The following FAM53A variants were observed in gnomAD, a reference collection of about 807,000 sequenced individuals.
FAM53A encodes family with sequence similarity 53 member A, also known as protein FAM53A.
A neutral mutation model predicts 26.6 loss-of-function variants in FAM53A; 28 were observed. The observed-to-expected ratio is 1.05, with a 90% CI of 0.78 to 1.45. The LOEUF is 1.45. Among genes scored for constraint, FAM53A ranks in the 40% most tolerant of loss-of-function variants. The probability of loss-of-function intolerance (pLI) is 0.00; values close to 1 mark genes in which losing one functional copy is unlikely to be tolerated. For missense variants in FAM53A, 650 were observed against 575.8 expected (o/e 1.13, Z -1.32); for synonymous variants, 290 against 253.1 (o/e 1.15, Z -1.38).
intron 1 of FAM53A, among the ~76,000 whole-genome samples, chr4:1,682,905 G>A (rs1363900756): frequency 6.6e-6 from 1 of 152,204 alleles, no homozygotes; most frequent in Non-Finnish European, 1.5e-5. Context: ...CCAAAGGGGC[G>A]GGACAATTAC....
rs1560170207 is a variant in FAM53A, at chr4:1,655,645, A to G, written c.215T>C (p.Leu72Pro). The change falls in exon 4 of 5, where the codon CTG (leucine) becomes CCG (proline). Residue 72 changes from leucine to proline, a missense_variant. Leu to Pro is a moderately conservative substitution (Grantham distance 98). Transcript: ENST00000308132. ...QAATGPDFSF[L>P]PGLSAAAHTM... ...GTGAGCGGCAGCAGACAGGCCCGGC[A>G]GGAAGGAGAAATCAGGGCCCGTGGC... is the stretch of plus-strand genomic sequence containing the variant. The G allele has an allele frequency of 1.3e-6, 2 of 1,596,432 alleles. No homozygotes were observed. Among genetic ancestry groups the G allele is most frequent in the Admixed American group, 3.5e-5 (2 of 57,932 alleles).
intron 2 of FAM53A, among the ~76,000 whole-genome samples, chr4:1,658,643 G>T (rs759927993): frequency 1.3e-5 from 2 of 152,252 alleles, no homozygotes; most frequent in Non-Finnish European, 2.9e-5. Context: ...GGCACTAAGG[G>T]AAATGCCACA....
chr4:1,579,215 G>C, the FAM53A span, among the ~76,000 whole-genome samples: 1 of 76,096 alleles, frequency 1.3e-5, no homozygotes, highest in South Asian at 4.2e-4. Context: ...CCCGCCCCTA[G>C]CCGCCATCCC....
chr4:1,633,652 CAATA>C (rs908165299), intron 1 of FAM53A, among the ~76,000 whole-genome samples: 3 of 151,794 alleles, frequency 2.0e-5, no homozygotes, highest in Non-Finnish European at 2.9e-5. Context: ...CGGTTCTTCC[CAATA>C]AATAAATAAA....
chr4:1,663,552 G>A (rs1165810392), intron 2 of FAM53A, among the ~76,000 whole-genome samples: 1 of 152,124 alleles, frequency 6.6e-6, no homozygotes, highest in African/African-American at 2.4e-5. Context: ...CACTGCCTGC[G>A]AGAACATTCT....
At chr4:1,576,763 A>C in the FAM53A span, among the ~76,000 whole-genome samples, 2 of 152,210 alleles carry the variant, frequency 1.3e-5, no homozygotes, top group Non-Finnish European at 1.5e-5. Context: ...GCCCGGCACC[A>C]TGCTGGCCCC....
downstream of FAM53A, among the ~76,000 whole-genome samples, chr4:1,637,786 G>T (rs1231375672): frequency 6.6e-6 from 1 of 152,072 alleles, no homozygotes; most frequent in Non-Finnish European, 1.5e-5. Context: ...AGGGTACCAG[G>T]CACAACCCCG....
Position 1,640,733 on chromosome 4 carries a change from CA to C in FAM53A, c.*559del. 2.8e-6 allele frequency: 1 copy of C among 360,028 alleles called. No homozygotes were observed. Among genetic ancestry groups the C allele is most frequent in the South Asian group, 2.1e-5 (1 of 48,604 alleles). 22.3% of individuals were successfully genotyped at this position (360,028 alleles called of 1,614,324 possible). On this transcript the variant is annotated 3_prime_UTR_variant, in exon 5 of 5. Transcript: ENST00000308132. ...GGCAGCCGTGGCCCCGACCAACTCA[CA>C]GGAAACCTACTCTGTGCCCCAGGGC...
chr4:1,633,773 T>C (rs1715717233), intron 1 of FAM53A, among the ~76,000 whole-genome samples: 1 of 152,086 alleles, frequency 6.6e-6, no homozygotes, highest in African/African-American at 2.4e-5. Flanking sequence ...TGACAGCTAA[T>C]GCATTCGATA....
chr4:1,670,632 T>C (rs1188107322), intron 1 of FAM53A, among the ~76,000 whole-genome samples: 1 of 152,132 alleles, frequency 6.6e-6, no homozygotes, highest in Non-Finnish European at 1.5e-5. Flanking sequence ...CAGCCACCAC[T>C]GTCATCTCCA....
intron 1 of FAM53A, among the ~76,000 whole-genome samples, chr4:1,673,649 C>A (rs13145078): frequency 5.3e-5 from 8 of 152,080 alleles, no homozygotes; most frequent in African/African-American, 1.7e-4. Context: ...AGGAGAATCA[C>A]TTGAACCGGG....
chr4:1,663,271 G>A (rs759612698), intron 2 of FAM53A, among the ~76,000 whole-genome samples: 30 of 152,208 alleles, frequency 2.0e-4, no homozygotes, highest in Non-Finnish European at 3.8e-4. Flanking sequence ...GTGGAAAACA[G>A]TTTGGCAGTT....
intron 4 of FAM53A, among the ~76,000 whole-genome samples, chr4:1,647,236 T>A (rs1346592747): frequency 6.6e-6 from 1 of 150,970 alleles, no homozygotes; most frequent in Non-Finnish European, 1.5e-5. Flanking sequence ...CTCAGGAGAC[T>A]GAGGCAGAGA....
At chr4:1,665,121 C>T (rs1246438143) in intron 2 of FAM53A, among the ~76,000 whole-genome samples, 1 of 151,690 alleles carries the variant, frequency 6.6e-6, no homozygotes, top group Non-Finnish European at 1.5e-5. Context: ...TCAAGACCAG[C>T]CTGGCCAACA....
intron 1 of FAM53A, among the ~76,000 whole-genome samples, chr4:1,626,560 G>A (rs1201811655): frequency 6.7e-6 from 1 of 148,406 alleles, no homozygotes; most frequent in Non-Finnish European, 1.5e-5. Context: ...AGCCCGGGGG[G>A]ACCCGGGGAG....
chr4:1,626,046 G>GTGGC, intron 1 of FAM53A, among the ~76,000 whole-genome samples: 2 of 152,304 alleles, frequency 1.3e-5, no homozygotes, highest in African/African-American at 4.8e-5. Flanking sequence ...CCGACTCGGT[G>GTGGC]TGGCTGCCTG....
At chr4:1,632,358 C>A (rs1335633042) in intron 1 of FAM53A, among the ~76,000 whole-genome samples, 2 of 152,006 alleles carry the variant, frequency 1.3e-5, no homozygotes, top group Non-Finnish European at 2.9e-5. Flanking sequence ...GCCTTTGAAC[C>A]ACAGAGCGAG....
rs1000922580 is a variant in FAM53A at position 1,630,349 on chromosome 4, C to T, written c.432-12238G>A. Among the ~76,000 whole-genome samples, 2 of 152,234 alleles carry T rather than the reference C, an allele frequency of 1.3e-5. No individual in the cohort carries two copies. Among genetic ancestry groups the T allele is most frequent in the Admixed American group, 1.3e-4 (2 of 15,288 alleles). ...GTCTGCTGAGACCACTCACCTCTGC[C>T]ACTGCAGCCGAAACAGCCACAGCCA... On this transcript the variant is annotated intron_variant, in intron 1 of 1. Transcript: ENST00000489029. This position sits in a 1 kb window ranked among gnomAD's most constrained non-coding sequence, Gnocchi z 4.3.
intron 1 of FAM53A, among the ~76,000 whole-genome samples, chr4:1,633,976 T>G (rs1050941119): frequency 6.6e-6 from 1 of 152,154 alleles, no homozygotes; most frequent in Non-Finnish European, 1.5e-5. Context: ...AATGAGGCTG[T>G]GGCTGGGGGA....
Sources: gnomAD v4.1 joint callset for allele counts (sites outside exome capture counted in the v4.1 genomes callset) on GRCh38, gnomAD v4.1.1 for gene constraint, Gnocchi (gnomAD v3.1) non-coding constraint, MANE v1.5 for transcripts, NCBI Gene and HGNC (gene_info 2026-07-23, HGNC 2026-07-21) for gene names.